The following MARK4 variants were observed in gnomAD, a reference collection of about 807,000 sequenced individuals.
The protein encoded by MARK4 is microtubule affinity regulating kinase 4.
Under a neutral mutation model 81.5 loss-of-function variants are expected in MARK4, and 19 were observed. That is an observed-to-expected ratio of 0.23 (90% confidence interval 0.16 to 0.34). MARK4 has a LOEUF of 0.34. Among genes scored for constraint, MARK4 ranks in the 10% least tolerant of loss-of-function variants. The pLI, the probability that MARK4 is intolerant of heterozygous loss-of-function variation, is 1.00. For missense variants in MARK4, 772 were observed against 1,058.8 expected, an observed-to-expected ratio of 0.73 and a Z score of 3.76; for synonymous variants, 436 against 439.0, an observed-to-expected ratio of 0.99 and a Z score of 0.08.
intron 15 of MARK4, chr19:45,298,325 C>A: frequency 2.2e-6 from 1 of 460,174 alleles, no homozygotes; most frequent in Non-Finnish European, 3.2e-6. Flanking sequence ...ATGTGAGGGT[C>A]TGTGCGTGGG....
chr19:45,299,806 C>T lies in MARK4; in HGVS notation c.1878-5C>T. The T allele has an allele frequency of 6.2e-7, 1 of 1,601,958 alleles. No individual in the cohort carries two copies. The highest frequency in any genetic ancestry group is 8.5e-7 in the Non-Finnish European group (1 of 1,171,902). On this transcript the variant is annotated splice_polypyrimidine_tract_variant and splice_region_variant and intron_variant, in intron 15 of 16. Coordinates refer to ENST00000262891, the MANE Select transcript of MARK4 (RefSeq NM_001199867.2). The stretch of plus-strand genomic sequence containing the variant: ...TAGACACTCTGTCCCCCTCCCCTCC[C>T]CTAGGGTCGCAGACGAACCTGAGAG...
intron 1 of MARK4, among the ~76,000 whole-genome samples, chr19:45,252,959 C>T (rs1473829880): frequency 6.6e-6 from 1 of 152,046 alleles, no homozygotes; most frequent in African/African-American, 2.4e-5. Flanking sequence ...TCCACTGCCC[C>T]CATGGCTTTG....
intron 1 of MARK4, among the ~76,000 whole-genome samples, chr19:45,257,758 C>T (rs921825925): frequency 1.3e-5 from 2 of 150,096 alleles, no homozygotes; most frequent in African/African-American, 2.5e-5. Context: ...GGCGCGATCT[C>T]GGCTCACTGC....
At chr19:45,290,579 T>G (rs1257318312) in intron 13 of MARK4, among the ~76,000 whole-genome samples, 1 of 152,234 alleles carries the variant, frequency 6.6e-6, no homozygotes, top group African/African-American at 2.4e-5. Flanking sequence ...GTGACAACCC[T>G]TGGCCAACGG....
Position 45,264,872 on chromosome 19 carries a change from C to T in MARK4, c.454C>T (p.Arg152Cys), listed in dbSNP as rs373067738. The change falls in exon 6 of 17, where the codon CGC (arginine) becomes TGC (cysteine). Residue 152 changes from arginine (R) to cysteine (C), a missense_variant. Transcript: ENST00000262891. The stretch of plus-strand genomic sequence containing the variant: ...GTTTGACTACCTCGTGTCGCATGGC[C>T]GCATGAAGGAGAAGGAAGCTCGAGC... ...EVFDYLVSHGRMKEKEARAKF... is the reference protein window; with the variant it reads ...EVFDYLVSHGCMKEKEARAKF... The T allele has an allele frequency of 6.8e-5, 109 of 1,613,954 alleles. No homozygotes were observed. Among genetic ancestry groups the T allele is most frequent in the Non-Finnish European group, 9.0e-5 (106 of 1,179,994 alleles).
intron 13 of MARK4, 60 bp from the exon 14 acceptor site, chr19:45,294,289 G>T: frequency 1.3e-6 from 2 of 1,511,056 alleles, no homozygotes; most frequent in Non-Finnish European, 1.8e-6. Context: ...AAGGGAAGAG[G>T]GAGAAGCTCA....
At chr19:45,289,385 C>CAAAA (rs35129419) in intron 13 of MARK4, among the ~76,000 whole-genome samples, 7 of 51,454 alleles carry the variant, frequency 1.4e-4, no homozygotes, top group Admixed American at 5.4e-4. Flanking sequence ...GACTCTGTTT[C>CAAAA]AAAAAAAAAA....
intron 8 of MARK4, among the ~76,000 whole-genome samples, chr19:45,274,460 G>A (rs775780479): frequency 2.6e-5 from 4 of 151,566 alleles, no homozygotes; most frequent in African/African-American, 7.3e-5. Context: ...GTAAAACCCC[G>A]TCTCTACCAA....
At chr19:45,296,139 T>C (rs1970883552) in intron 14 of MARK4, among the ~76,000 whole-genome samples, 1 of 152,162 alleles carries the variant, frequency 6.6e-6, no homozygotes, top group African/African-American at 2.4e-5. Flanking sequence ...CAGAATCTTA[T>C]TTGTAATCAC....
rs1971000763 is a variant in MARK4 at position 45,303,129 on chromosome 19, A to C, written c.*419A>C. ...GGGGGACTGGGAGTGGGGGTCAGAG[A>C]GGCAGATTCCTTCCCCTCCCGTCCC... On this transcript the variant is annotated 3_prime_UTR_variant, in exon 17 of 17. Transcript: ENST00000262891. 4.8e-6 allele frequency: 1 copy of C among 207,882 alleles called. No homozygotes were observed. The highest frequency in any genetic ancestry group is 9.7e-6 in the Non-Finnish European group (1 of 103,224). The allele number at this position is 207,882 out of a possible 1,614,324, so 12.9% of individuals were successfully genotyped here. A position where few individuals can be genotyped will look rare whatever the true frequency, so the allele number is the denominator to read the frequency against.
chr19:45,259,937 A>G (rs1248264342), intron 2 of MARK4, among the ~76,000 whole-genome samples: 1 of 151,636 alleles, frequency 6.6e-6, no homozygotes, highest in Non-Finnish European at 1.5e-5. Context: ...AAATACAAAA[A>G]TTAGCTGGGC....
intron 8 of MARK4, among the ~76,000 whole-genome samples, chr19:45,277,683 T>A (rs1024980582): frequency 2.6e-5 from 4 of 151,926 alleles, no homozygotes; most frequent in Admixed American, 6.6e-5. Context: ...TTTTTTTTTT[T>A]AAATTGCAGC....
chr19:45,279,771 T>C (rs889524111), intron 10 of MARK4, among the ~76,000 whole-genome samples: 1 of 151,982 alleles, frequency 6.6e-6, no homozygotes, highest in African/African-American at 2.4e-5. Flanking sequence ...TCAGAGACAG[T>C]TGTTGGGAAT....
intron 8 of MARK4, among the ~76,000 whole-genome samples, chr19:45,272,066 T>G (rs1267007799): frequency 6.6e-6 from 1 of 152,166 alleles, no homozygotes; most frequent in Non-Finnish European, 1.5e-5. Context: ...GTGCGGTGGC[T>G]CATGCCTATA....
chr19:45,263,327 A>G lies in MARK4; in HGVS notation c.315A>G (p.Arg105=). Residue 105 remains arginine (R), a synonymous_variant, in exon 4 of 17, where the codon CGA becomes CGG. Transcript: ENST00000262891. The part of the protein sequence containing the change: ...LNPSSLQKLF[R]EVRIMKGLNH... ...TTTCTGGCCACGCCCAGCTGTTCCG[A>G]GAAGTCCGCATCATGAAGGGCCTAA... The G allele has an allele frequency of 1.2e-6, 2 of 1,614,178 alleles. No individual in the cohort carries two copies. The highest frequency in any genetic ancestry group is 2.2e-5 in the South Asian group (2 of 91,086).
intron 1 of MARK4, among the ~76,000 whole-genome samples, chr19:45,254,192 G>A (rs556714523): frequency 3.3e-5 from 5 of 152,276 alleles, no homozygotes; most frequent in South Asian, 2.1e-4. Context: ...CAACAGTCCC[G>A]GGTGTTGGGG....
intron 8 of MARK4, among the ~76,000 whole-genome samples, chr19:45,272,446 T>C (rs957579872): frequency 2.0e-5 from 3 of 152,184 alleles, no homozygotes; most frequent in African/African-American, 7.2e-5. Context: ...GAATGTATGA[T>C]TCCATTAATG....
chr19:45,273,411 G>A (rs533412401), intron 8 of MARK4, among the ~76,000 whole-genome samples: 45 of 152,256 alleles, frequency 3.0e-4, no homozygotes, highest in African/African-American at 1.1e-3. Context: ...TCCTGTTGAC[G>A]GTGACATACA....
intron 10 of MARK4, 103 bp from the exon 11 acceptor site, chr19:45,280,271 C>T: frequency 9.6e-7 from 1 of 1,043,170 alleles, no homozygotes; most frequent in East Asian, 2.4e-5. Flanking sequence ...CACTGCACTC[C>T]AGCCTGGGTG....
Sources: gnomAD v4.1 joint callset for allele counts (sites outside exome capture counted in the v4.1 genomes callset) on GRCh38, gnomAD v4.1.1 for gene constraint, MANE v1.5 for transcripts, NCBI Gene and HGNC (gene_info 2026-07-23, HGNC 2026-07-21) for gene names.